The following GRIN2A variants were observed in gnomAD, a reference collection of about 807,000 sequenced individuals.
GRIN2A encodes glutamate ionotropic receptor NMDA type subunit 2A.
In GRIN2A, 22 loss-of-function variants were observed where a neutral mutation model predicts 113.4. The ratio of observed to expected loss-of-function variants is 0.19; its 90% CI spans 0.14 to 0.28. The LOEUF (loss-of-function observed/expected upper bound fraction) is 0.28, where lower values mean the gene tolerates loss of function less well. Among genes scored for constraint, GRIN2A ranks in the 10% least tolerant of loss-of-function variants. GRIN2A has a pLI of 1.00. For missense variants in GRIN2A, 1,502 were observed against 1,887.0 expected (o/e 0.80, Z 3.78); for synonymous variants, 827 against 738.4 (o/e 1.12, Z -1.94).
chr16:9,998,936 G>T (rs771918661), intron 2 of GRIN2A, among the ~76,000 whole-genome samples: 1 of 152,134 alleles, frequency 6.6e-6, no homozygotes, highest in African/African-American at 2.4e-5. Flanking sequence ...CATCCTAGGG[G>T]TGCGGGTAGG....
chr16:9,822,014 G>T (rs150803760), intron 10 of GRIN2A, among the ~76,000 whole-genome samples: 1 of 152,094 alleles, frequency 6.6e-6, no homozygotes, highest in Non-Finnish European at 1.5e-5. Context: ...TTCTTTATCA[G>T]TTTAAGAAAC....
intron 2 of GRIN2A, among the ~76,000 whole-genome samples, chr16:10,133,614 A>AAT (rs2049119294): frequency 6.6e-6 from 1 of 152,140 alleles, no homozygotes; most frequent in African/African-American, 2.4e-5. Flanking sequence ...TCTCAAAAAA[A>AAT]ATAATAATTA....
At chr16:10,124,403 G>C (rs1026297292) in intron 2 of GRIN2A, among the ~76,000 whole-genome samples, 1 of 152,170 alleles carries the variant, frequency 6.6e-6, no homozygotes, top group African/African-American at 2.4e-5. Flanking sequence ...TGTTATGCTT[G>C]TAATCAAAAT....
intron 2 of GRIN2A, among the ~76,000 whole-genome samples, chr16:10,034,098 G>A (rs3743833): frequency 0.21 from 32,322 of 152,090 alleles, 4,163 homozygotes; most frequent in East Asian, 0.52. Flanking sequence ...CCAGGCGGCC[G>A]TGAGAACTGA....
At position 9,798,482 on chromosome 16, in the gene GRIN2A, C is replaced by T. The variant is rs1567305518; in HGVS notation, c.2169-18G>A. 2 of 1,612,718 alleles carry T rather than the reference C, an allele frequency of 1.2e-6. No individual in the cohort carries two copies. The highest frequency in any genetic ancestry group is 1.7e-6 in the Non-Finnish European group (2 of 1,178,848). On this transcript the variant is annotated intron_variant, in intron 10 of 12. Transcript: ENST00000330684. ...CCAGCTTCCTGAAATGACAAGAAAC[C>T]AGGGGGTCATAGGGGTGGCCAGGTA...
rs149271444 is a variant in GRIN2A, at chr16:10,004,162, G to A, written c.415-65611C>T. Among the ~76,000 whole-genome samples, 608 of 152,030 alleles carry A rather than the reference G, an allele frequency of 4.0e-3. 5 individuals carry two copies. Among genetic ancestry groups the A allele is most frequent in the African/African-American group, 0.013 (553 of 41,446 alleles). ...TCCCAGCATTTTGGGAGGCTGAGGC[G>A]GGCACATCACGAAGTCAGGAGTTTG... On this transcript the variant is annotated intron_variant, in intron 2 of 12. Coordinates refer to ENST00000330684, the MANE Select transcript of GRIN2A (RefSeq NM_001134407.3).
chr16:9,919,783 A>T (rs2044324188), intron 3 of GRIN2A, among the ~76,000 whole-genome samples: 2 of 152,276 alleles, frequency 1.3e-5, no homozygotes, highest in East Asian at 3.9e-4. Flanking sequence ...CTCCAAATGC[A>T]TGCTCCTCTG....
intron 2 of GRIN2A, among the ~76,000 whole-genome samples, chr16:9,959,600 C>A (rs1205516080): frequency 6.6e-6 from 1 of 152,232 alleles, no homozygotes; most frequent in African/African-American, 2.4e-5. Context: ...AGTACACAGG[C>A]TTTCCACTGT....
intron 7 of GRIN2A, among the ~76,000 whole-genome samples, chr16:9,834,579 G>A (rs1236226975): frequency 6.6e-6 from 1 of 151,834 alleles, no homozygotes; most frequent in Non-Finnish European, 1.5e-5. Flanking sequence ...ACGGGGTTTC[G>A]CCATGTTGCC....
At chr16:10,006,135 T>C (rs1029604981) in intron 2 of GRIN2A, among the ~76,000 whole-genome samples, 1 of 152,190 alleles carries the variant, frequency 6.6e-6, no homozygotes, top group Non-Finnish European at 1.5e-5. Context: ...CTAAGCACAA[T>C]TGTCCCAGGA....
chr16:9,908,932 G>C (rs1364474109), intron 3 of GRIN2A, among the ~76,000 whole-genome samples: 1 of 152,240 alleles, frequency 6.6e-6, no homozygotes, highest in Non-Finnish European at 1.5e-5. Context: ...TCAGCCAGGA[G>C]CAAGTGGTGG....
At chr16:9,961,154 CTCTT>C (rs2141703646) in intron 2 of GRIN2A, among the ~76,000 whole-genome samples, 1 of 152,304 alleles carries the variant, frequency 6.6e-6, no homozygotes, top group Non-Finnish European at 1.5e-5. Flanking sequence ...TACTTAATGG[CTCTT>C]TATTAAGCCT....
intron 4 of GRIN2A, among the ~76,000 whole-genome samples, chr16:9,883,433 A>T (rs981805681): frequency 6.6e-6 from 1 of 152,234 alleles, no homozygotes; most frequent in African/African-American, 2.4e-5. Context: ...TAACACTCTT[A>T]CGAATTAGTA....
intron 2 of GRIN2A, among the ~76,000 whole-genome samples, chr16:10,052,107 C>G (rs112189374): frequency 6.6e-6 from 1 of 152,200 alleles, no homozygotes; most frequent in Non-Finnish European, 1.5e-5. Flanking sequence ...CAATGGCACA[C>G]ATGCCCAAAA....
At position 10,153,763 on chromosome 16, in the gene GRIN2A, T is replaced by C. The variant is rs148097047; in HGVS notation, c.414+26235A>G. On this transcript the variant is annotated intron_variant, in intron 2 of 12. Transcript: ENST00000330684. Reference sequence around the variant, plus strand: ...CTTACAAATGAACACTCACCTCATCTAGACCTGCCACTTGGACAACTGAGA... The same window carrying C: ...CTTACAAATGAACACTCACCTCATCCAGACCTGCCACTTGGACAACTGAGA... Among the ~76,000 whole-genome samples, 290 of 152,352 alleles carry C rather than the reference T, an allele frequency of 1.9e-3. 2 individuals are homozygous for C. The highest frequency in any genetic ancestry group is 6.8e-3 in the African/African-American group (281 of 41,580).
intron 4 of GRIN2A, among the ~76,000 whole-genome samples, chr16:9,869,716 A>G (rs2043222637): frequency 6.6e-6 from 1 of 152,356 alleles, no homozygotes; most frequent in South Asian, 2.1e-4. Flanking sequence ...GAAATAAATA[A>G]AGTAGTAACT....
chr16:9,927,004 G>A (rs1191406456), intron 3 of GRIN2A, among the ~76,000 whole-genome samples: 4 of 151,648 alleles, frequency 2.6e-5, no homozygotes, highest in Non-Finnish European at 5.9e-5. Context: ...TGGAACCAAA[G>A]GAAACTGGAT....
chr16:10,125,657 C>T lies in GRIN2A; in HGVS notation c.414+54341G>A, dbSNP rs1047066498. The stretch of plus-strand genomic sequence containing the variant: ...AAAAAAAAAAAAAAAAAGACTGTTC[C>T]GAGTCTCCCCTCCCTGGCTGTTTTG... On this transcript the variant is annotated intron_variant, in intron 2 of 12. Coordinates refer to ENST00000330684, the MANE Select transcript of GRIN2A (RefSeq NM_001134407.3). Among the ~76,000 whole-genome samples the T allele has an allele frequency of 1.8e-4, 3 of 16,404 alleles. No homozygotes were observed. In the Non-Finnish European group the frequency reaches 8.4e-3, roughly 46 times the overall value. The allele number at this position is 16,404 out of a possible 152,430, so 10.8% of individuals were successfully genotyped here. A position where few individuals can be genotyped will look rare whatever the true frequency, so the allele number is the denominator to read the frequency against.
chr16:9,795,992 C>T (rs1300689030), intron 11 of GRIN2A, among the ~76,000 whole-genome samples: 1 of 152,138 alleles, frequency 6.6e-6, no homozygotes, highest in Non-Finnish European at 1.5e-5. Context: ...AGGGGATTTG[C>T]CCTCTGAGAT....
Sources: gnomAD v4.1 joint callset for allele counts (sites outside exome capture counted in the v4.1 genomes callset) on GRCh38, gnomAD v4.1.1 for gene constraint, MANE v1.5 for transcripts, NCBI Gene and HGNC (gene_info 2026-07-23, HGNC 2026-07-21) for gene names.